The following ADAM23 variants were observed in gnomAD, a reference collection of about 807,000 sequenced individuals.
ADAM23 encodes the protein ADAM metallopeptidase domain 23, also known as disintegrin and metalloproteinase domain-containing protein 23.
In ADAM23, 33 loss-of-function variants were observed where a neutral mutation model predicts 120.1. The ratio of observed to expected loss-of-function variants is 0.27; its 90% CI spans 0.21 to 0.37. The LOEUF (loss-of-function observed/expected upper bound fraction) is 0.37, where lower values mean the gene tolerates loss of function less well. Ranked by LOEUF, ADAM23 falls within the 10% of genes least tolerant of loss-of-function variation. The probability of loss-of-function intolerance (pLI) is 1.00; values close to 1 mark genes in which losing one functional copy is unlikely to be tolerated. For missense variants in ADAM23, 862 were observed against 1,058.2 expected, an observed-to-expected ratio of 0.81 and a Z score of 2.57; for synonymous variants, 367 against 375.2, an observed-to-expected ratio of 0.98 and a Z score of 0.25.
At chr2:206,604,511 T>TG (rs955222952) in intron 24 of ADAM23, among the ~76,000 whole-genome samples, 6 of 152,228 alleles carry the variant, frequency 3.9e-5, no homozygotes, top group African/African-American at 1.4e-4. Context: ...CCCTTAGCCT[T>TG]CAACACTCTC....
At chr2:206,495,810 A>G (rs551899859) in intron 3 of ADAM23, among the ~76,000 whole-genome samples, 116 of 152,328 alleles carry the variant, frequency 7.6e-4, no homozygotes, top group African/African-American at 2.5e-3. Flanking sequence ...AGGAAGATCT[A>G]CCAAGCCAAT....
At chr2:206,578,129 T>G (rs1460062750) in intron 18 of ADAM23, among the ~76,000 whole-genome samples, 7 of 152,178 alleles carry the variant, frequency 4.6e-5, no homozygotes, top group African/African-American at 1.4e-4. Context: ...CTTTTTCTAA[T>G]AGCAATATTG....
At chr2:206,473,812 A>G (rs1695715373) in intron 2 of ADAM23, among the ~76,000 whole-genome samples, 3 of 151,714 alleles carry the variant, frequency 2.0e-5, no homozygotes, top group South Asian at 2.1e-4. Context: ...GTTTGTGACC[A>G]GCCTGGACAG....
intron 2 of ADAM23, among the ~76,000 whole-genome samples, chr2:206,470,509 G>A (rs930471881): frequency 5.3e-5 from 8 of 152,172 alleles, no homozygotes; most frequent in South Asian, 4.1e-4. Context: ...ATGAGGTCAC[G>A]TATCAATATT....
At chr2:206,551,971 A>G (rs1219939222) in intron 9 of ADAM23, among the ~76,000 whole-genome samples, 1 of 152,200 alleles carries the variant, frequency 6.6e-6, no homozygotes, top group Non-Finnish European at 1.5e-5. Flanking sequence ...TTTAGACAGT[A>G]AAGGCTAAAA....
At chr2:206,573,400 G>T (rs551842494) in intron 18 of ADAM23, among the ~76,000 whole-genome samples, 1 of 152,072 alleles carries the variant, frequency 6.6e-6, no homozygotes, top group East Asian at 1.9e-4. Flanking sequence ...TATACACATC[G>T]CCTGAAGGTA....
chr2:206,575,669 C>T (rs1037521740), intron 18 of ADAM23, among the ~76,000 whole-genome samples: 68 of 152,156 alleles, frequency 4.5e-4, no homozygotes, highest in African/African-American at 1.6e-3. Flanking sequence ...AATGTGAGGG[C>T]TAAAAGTTAT....
intron 18 of ADAM23, among the ~76,000 whole-genome samples, chr2:206,581,221 T>A (rs13399433): frequency 0.064 from 9,778 of 152,286 alleles, 401 homozygotes; most frequent in Admixed American, 0.14. Context: ...TTCAATTTCA[T>A]TTAGTTCTGT....
chr2:206,453,485 C>T (rs1004060846), intron 2 of ADAM23, among the ~76,000 whole-genome samples: 1 of 152,212 alleles, frequency 6.6e-6, no homozygotes, highest in Non-Finnish European at 1.5e-5. Flanking sequence ...TTGATATGGG[C>T]ACCCTTTAAC....
chr2:206,532,409 T>C (rs1339904277), intron 4 of ADAM23, among the ~76,000 whole-genome samples: 1 of 152,058 alleles, frequency 6.6e-6, no homozygotes, highest in Non-Finnish European at 1.5e-5. Context: ...TTATCATTAA[T>C]AAGACACTCC....
chr2:206,610,168 T>G (rs527444029), intron 25 of ADAM23, among the ~76,000 whole-genome samples, 168 bp downstream of exon 25: 25 of 152,326 alleles, frequency 1.6e-4, no homozygotes, highest in African/African-American at 5.8e-4. Flanking sequence ...ACACGGACCC[T>G]CAACTGTCAT....
intron 3 of ADAM23, among the ~76,000 whole-genome samples, chr2:206,497,990 G>T (rs1429358400): frequency 6.6e-6 from 1 of 152,160 alleles, no homozygotes; most frequent in African/African-American, 2.4e-5. Context: ...ACTGCTCAAT[G>T]AAATAAAAGG....
At chr2:206,489,713 T>C (rs1696091263) in intron 3 of ADAM23, among the ~76,000 whole-genome samples, 1 of 152,214 alleles carries the variant, frequency 6.6e-6, no homozygotes, top group Admixed American at 6.5e-5. Context: ...TTCAGTCACA[T>C]GCAGGGACTC....
intron 2 of ADAM23, among the ~76,000 whole-genome samples, chr2:206,448,110 T>C (rs1695118783): frequency 6.6e-6 from 1 of 152,232 alleles, no homozygotes; most frequent in Non-Finnish European, 1.5e-5. Context: ...CTTTTTTATC[T>C]GCATAGAGTG....
chr2:206,613,231 G>T (rs1698869934), intron 25 of ADAM23, among the ~76,000 whole-genome samples: 1 of 152,026 alleles, frequency 6.6e-6, no homozygotes, highest in African/African-American at 2.4e-5. Flanking sequence ...AGCTAATTTT[G>T]TATTTTTAGC....
intron 9 of ADAM23, among the ~76,000 whole-genome samples, chr2:206,552,273 A>G (rs1450937115): frequency 6.6e-6 from 1 of 152,186 alleles, no homozygotes; most frequent in African/African-American, 2.4e-5. Context: ...TCAAACCTTT[A>G]CTTGCAATTC....
rs13424964 is a variant in ADAM23, at chr2:206,472,520, C to T, written c.433-8712C>T. Among the ~76,000 whole-genome samples the T allele has an allele frequency of 3.7e-3, 564 of 150,484 alleles. 3 individuals carry two copies. The highest frequency in any genetic ancestry group is 0.013 in the African/African-American group (540 of 40,920). On this transcript the variant is annotated intron_variant, in intron 2 of 25. Transcript: ENST00000264377. ...CCCAGCTACTTGGGAGGCTGAGGCACGAGAATTGCTTGAACCCAGGAGGCG... is the reference window on the plus strand; with the variant it reads ...CCCAGCTACTTGGGAGGCTGAGGCATGAGAATTGCTTGAACCCAGGAGGCG...
chr2:206,566,713 C>G (rs578126457), intron 14 of ADAM23, among the ~76,000 whole-genome samples: 1 of 152,110 alleles, frequency 6.6e-6, no homozygotes, highest in African/African-American at 2.4e-5. Flanking sequence ...ATCTAACACA[C>G]CTCTTTAAGG....
chr2:206,503,088 A>G (rs1246641333), intron 3 of ADAM23, among the ~76,000 whole-genome samples: 2 of 152,186 alleles, frequency 1.3e-5, no homozygotes, highest in Non-Finnish European at 2.9e-5. Context: ...CATGTGCGTT[A>G]TAATATGGCT....
Sources: gnomAD v4.1 joint callset for allele counts (sites outside exome capture counted in the v4.1 genomes callset) on GRCh38, gnomAD v4.1.1 for gene constraint, MANE v1.5 for transcripts, NCBI Gene and HGNC (gene_info 2026-07-23, HGNC 2026-07-21) for gene names.